The following SELENOO variants were observed in gnomAD, a reference collection of about 807,000 sequenced individuals.
SELENOO encodes the protein protein adenylyltransferase SelO, mitochondrial.
A neutral mutation model predicts 58.7 loss-of-function variants in SELENOO; 74 were observed. That is an observed-to-expected ratio of 1.26 (90% CI 1.04 to 1.53). The LOEUF is 1.53. SELENOO is among the 40% of genes most tolerant of loss of function. The pLI, the probability that SELENOO is intolerant of heterozygous loss-of-function variation, is 0.00. For synonymous variants in SELENOO, 543 were observed against 453.2 expected, an observed-to-expected ratio of 1.20 and a Z score of -2.52; for missense variants, 1,149 against 970.0, an observed-to-expected ratio of 1.18 and a Z score of -2.45.
intron 1 of SELENOO, chr22:50,205,926 C>T (rs774372236): frequency 1.7e-5 from 4 of 233,318 alleles, no homozygotes; most frequent in Admixed American, 5.4e-5. Flanking sequence ...CATTCCTCAG[C>T]TGGCCCGTAC....
rs1375595263 is a variant in SELENOO, at chr22:50,216,991, C to T, written c.1708C>T (p.Leu570=). The T allele has an allele frequency of 1.9e-6, 3 of 1,610,540 alleles. No individual in the cohort carries two copies. The African/African-American group carries it at 4.0e-5, about 21-fold the overall frequency. Residue 570 remains leucine (L), a synonymous_variant, in exon 8 of 9, where the codon CTG becomes TTG. Transcript: ENST00000380903. ...TTCCAGAGCCCGGCTGGACAAGGAC[C>T]TGGAAGGCGCTGGGGACGCTGCCGC... ...QAYRARLDKD[L]EGAGDAAAWQ... is the part of the protein sequence containing the mutation.
Position 50,216,990 on chromosome 22 carries a change from C to A in SELENOO, c.1707C>A (p.Asp569Glu). 1.2e-6 allele frequency: 2 copies of A among 1,610,628 alleles called. No homozygotes were observed. The highest frequency in any genetic ancestry group is 1.7e-6 in the Non-Finnish European group (2 of 1,179,376). ...LQAYRARLDKDLEGAGDAAAW... is the reference protein window; with the variant it reads ...LQAYRARLDKELEGAGDAAAW... ...ATTCCAGAGCCCGGCTGGACAAGGA[C>A]CTGGAAGGCGCTGGGGACGCTGCCG... The change falls in exon 8 of 9, where the codon GAC becomes GAA. Residue 569 changes from aspartate to glutamate, a missense_variant. Transcript: ENST00000380903.
At chr22:50,208,384 C>G in intron 2 of SELENOO, 152 bp from the exon 3 acceptor site, 1 of 628,182 alleles carries the variant, frequency 1.6e-6, no homozygotes, top group Non-Finnish European at 2.6e-6. Flanking sequence ...GAGGCGAGAT[C>G]GCGCCACTGC....
intron 5 of SELENOO, among the ~76,000 whole-genome samples, chr22:50,211,251 C>T (rs918156255): frequency 2.0e-5 from 3 of 152,192 alleles, no homozygotes; most frequent in Non-Finnish European, 4.4e-5. Flanking sequence ...GACATACTGG[C>T]GTACGTGTTC....
intron 5 of SELENOO, among the ~76,000 whole-genome samples, chr22:50,211,282 G>A (rs142188546): frequency 4.6e-5 from 7 of 152,156 alleles, no homozygotes; most frequent in Non-Finnish European, 8.8e-5. Context: ...TGTTGCGTAC[G>A]GTGCACTGTG....
At chr22:50,205,999 T>C in intron 1 of SELENOO, 1 of 412,068 alleles carries the variant, frequency 2.4e-6, no homozygotes, top group Non-Finnish European at 4.5e-6. Context: ...CCCAGGCCCT[T>C]TGTCCCCACT....
At chr22:50,216,557 C>T (rs1315879670) in intron 6 of SELENOO, 134 bp from the exon 7 acceptor site, 20 of 806,018 alleles carry the variant, frequency 2.5e-5, no homozygotes, top group Non-Finnish European at 1.2e-5. Flanking sequence ...GTTCCAGGGA[C>T]CTCGGGGACC....
chr22:50,217,536 CT>C lies in SELENOO; in HGVS notation c.*168del. Reference sequence around the variant, plus strand: ...CATCCAGTCAGGACCTGACCCGTCTCTGTCTGAGGCCGGCTCAGCAGTGCAG... The same window carrying C: ...CATCCAGTCAGGACCTGACCCGTCTCGTCTGAGGCCGGCTCAGCAGTGCAG... On this transcript the variant is annotated 3_prime_UTR_variant, in exon 9 of 9. Coordinates refer to ENST00000380903, the MANE Select transcript of SELENOO (RefSeq NM_031454.2). The C allele has an allele frequency of 9.6e-7, 1 of 1,036,882 alleles. No homozygotes were observed. The highest frequency in any genetic ancestry group is 1.4e-6 in the Non-Finnish European group (1 of 721,890). The allele number at this position is 1,036,882 out of a possible 1,614,324, so 64.2% of individuals were successfully genotyped here.
intron 1 of SELENOO, among the ~76,000 whole-genome samples, chr22:50,203,715 G>C (rs2064315869): frequency 6.6e-6 from 1 of 152,156 alleles, no homozygotes; most frequent in South Asian, 2.1e-4. Flanking sequence ...AGTTAAGAGT[G>C]GACCAAAGAC....
At chr22:50,213,506 C>T (rs1362573503) in intron 5 of SELENOO, among the ~76,000 whole-genome samples, 1 of 150,610 alleles carries the variant, frequency 6.6e-6, no homozygotes. Flanking sequence ...TTTTGCTGGG[C>T]AGAGCGTCCT....
At position 50,201,568 on chromosome 22, in the gene SELENOO, G is replaced by A; in HGVS notation, c.532G>A (p.Ala178Thr). The change falls in exon 1 of 9, where the codon GCC becomes ACC. Residue 178 changes from alanine (A) to threonine (T), a missense_variant. By Grantham distance (58) the Ala-to-Thr change is moderately conservative. Coordinates refer to ENST00000380903, the MANE Select transcript of SELENOO (RefSeq NM_031454.2). ...GCGCTGGGAGCTGCAGCTCAAGGGC[G>A]CCGGGCCCACGCCCTTCTCCAGGTG... ...GERWELQLKGAGPTPFSRQAD... is the reference protein window; with the variant it reads ...GERWELQLKGTGPTPFSRQAD... The A allele has an allele frequency of 7.4e-7, 1 of 1,357,688 alleles. No homozygotes were observed. 84.1% of individuals were successfully genotyped at this position (1,357,688 alleles called of 1,614,324 possible).
At position 50,208,646 on chromosome 22, in the gene SELENOO, C is replaced by T. The variant is rs758410018; in HGVS notation, c.869C>T (p.Ser290Phe). ...CAGCTGCTCGACTATGTCATCAGCT[C>T]CTTTTACCCCGAGATCCAGGCTGCT... ...RVQLLDYVISSFYPEIQAAHA... is the reference protein window; with the variant it reads ...RVQLLDYVISFFYPEIQAAHA... Residue 290 changes from serine to phenylalanine, a missense_variant, in exon 3 of 9, where the codon TCC becomes TTC. Physicochemically the swap from Ser to Phe is radical, Grantham distance 155. Coordinates refer to ENST00000380903, the MANE Select transcript of SELENOO (RefSeq NM_031454.2). 2 of 1,613,764 alleles carry T rather than the reference C, an allele frequency of 1.2e-6. No homozygotes were observed. The highest frequency in any genetic ancestry group is 2.2e-5 in the East Asian group (1 of 44,890).
At chr22:50,214,603 C>CA (rs1202583368) in intron 5 of SELENOO, among the ~76,000 whole-genome samples, 4 of 151,136 alleles carry the variant, frequency 2.6e-5, no homozygotes, top group South Asian at 4.2e-4. Flanking sequence ...GACTCCATCT[C>CA]AAAAAACAAA....
At chr22:50,204,720 T>G (rs1418955267) in intron 1 of SELENOO, among the ~76,000 whole-genome samples, 1 of 152,260 alleles carries the variant, frequency 6.6e-6, no homozygotes, top group Non-Finnish European at 1.5e-5. Flanking sequence ...AGAGTTGCTG[T>G]GGAAAACAGT....
chr22:50,202,766 A>G (rs920777791), intron 1 of SELENOO, among the ~76,000 whole-genome samples: 16 of 152,150 alleles, frequency 1.1e-4, no homozygotes, highest in Non-Finnish European at 2.4e-4. Context: ...ATTTTCTCCT[A>G]AAAATTAAGG....
In SELENOO at chr22:50,201,646, C is replaced by T. The variant is rs954393264; in HGVS notation, c.554+56C>T. On this transcript the variant is annotated intron_variant, in intron 1 of 8. Coordinates refer to ENST00000380903, the MANE Select transcript of SELENOO (RefSeq NM_031454.2). ...GGTCCTCCCCGCCGGGGCGCCCCTT[C>T]CCTCCGCCCGGCGCGGTGTTGGGGG... 1.1e-5 allele frequency: 13 copies of T among 1,176,822 alleles called. No individual in the cohort carries two copies. The African/African-American group carries it at 1.3e-4, about 12-fold the overall frequency. The allele number at this position is 1,176,822 out of a possible 1,614,324, so 72.9% of individuals were successfully genotyped here. A position where few individuals can be genotyped will look rare whatever the true frequency, so the allele number is the denominator to read the frequency against.
intron 5 of SELENOO, 30 bp downstream of exon 5, chr22:50,210,941 G>T: frequency 6.2e-7 from 1 of 1,613,080 alleles, no homozygotes; most frequent in Non-Finnish European, 8.5e-7. Flanking sequence ...CCACAGCAAG[G>T]CGCCTCCCGT....
chr22:50,203,217 A>T (rs969119610), intron 1 of SELENOO, among the ~76,000 whole-genome samples: 1 of 151,690 alleles, frequency 6.6e-6, no homozygotes, highest in Admixed American at 6.6e-5. Flanking sequence ...TCAAAAAAAT[A>T]TTTTTTTTTA....
At chr22:50,207,067 C>T (rs569427580) in intron 2 of SELENOO, among the ~76,000 whole-genome samples, 38 of 152,270 alleles carry the variant, frequency 2.5e-4, no homozygotes, top group African/African-American at 8.7e-4. Context: ...TCCAGTTGCT[C>T]GTTGGTCTGG....
Sources: allele counts gnomAD v4.1 joint callset (sites outside exome capture counted in the v4.1 genomes callset), GRCh38; gene constraint gnomAD v4.1.1; transcripts MANE v1.5; gene names NCBI Gene and HGNC (gene_info 2026-07-23, HGNC 2026-07-21).